The following MAP3K7 variants were observed in gnomAD, a reference collection of about 807,000 sequenced individuals.
MAP3K7 encodes TGF-beta activated kinase 1.
Under a neutral mutation model 84.8 loss-of-function variants are expected in MAP3K7, and 21 were observed. That is an observed-to-expected ratio of 0.25 (90% CI 0.18 to 0.36). The LOEUF (loss-of-function observed/expected upper bound fraction) is 0.36, where lower values mean the gene tolerates loss of function less well. Among genes scored for constraint, MAP3K7 ranks in the 10% least tolerant of loss-of-function variants. The pLI is 1.00. For synonymous variants in MAP3K7, 241 were observed against 247.7 expected (o/e 0.97, Z 0.25); for missense variants, 503 against 747.7 (o/e 0.67, Z 3.82).
intron 3 of MAP3K7, among the ~76,000 whole-genome samples, chr6:90,567,591 T>C (rs1013780577): frequency 6.6e-6 from 1 of 152,116 alleles, no homozygotes; most frequent in Non-Finnish European, 1.5e-5. Context: ...TGTGGAGAAA[T>C]AGGAACACTT....
At chr6:90,543,898 C>T (rs185639003) in intron 12 of MAP3K7, among the ~76,000 whole-genome samples, 33 of 152,176 alleles carry the variant, frequency 2.2e-4, no homozygotes, top group Non-Finnish European at 2.9e-5. Flanking sequence ...CAATTTTAGA[C>T]ACTAAAGTAC....
intron 2 of MAP3K7, among the ~76,000 whole-genome samples, chr6:90,571,384 A>G (rs544717073): frequency 3.3e-5 from 5 of 152,274 alleles, no homozygotes; most frequent in South Asian, 2.1e-4. Context: ...ATAATGGGAA[A>G]GCATACCATT....
chr6:90,530,080 A>G (rs1329071318), intron 13 of MAP3K7, among the ~76,000 whole-genome samples: 2 of 152,230 alleles, frequency 1.3e-5, no homozygotes, highest in African/African-American at 2.4e-5. Context: ...ATTATTCCTG[A>G]GTCTTTTTAA....
chr6:90,542,888 G>T (rs910589288), intron 12 of MAP3K7, among the ~76,000 whole-genome samples: 1 of 151,826 alleles, frequency 6.6e-6, no homozygotes, highest in Non-Finnish European at 1.5e-5. Flanking sequence ...AGCATCCCTG[G>T]TCTCTGCCCA....
At chr6:90,531,379 CAG>C (rs1775499768) in intron 13 of MAP3K7, among the ~76,000 whole-genome samples, 1 of 152,094 alleles carries the variant, frequency 6.6e-6, no homozygotes. Flanking sequence ...GCACAAAACA[CAG>C]AGATTAAATG....
rs1021878796 is a variant in MAP3K7, at chr6:90,543,175, T to C, written c.1291+1377A>G. 7.9e-5 allele frequency among the ~76,000 whole-genome samples: 12 copies of C among 152,164 alleles called. No individual in the cohort carries two copies. The South Asian group carries it at 1.2e-3, about 16-fold the overall frequency. On this transcript the variant is annotated intron_variant, in intron 12 of 16. Transcript: ENST00000369329. ...CCGCATGGAGGTAAACTGATCTCCA[T>C]GTAAAATGATCTCTTTGTTAATTTC...
chr6:90,519,214 TAAG>T (rs35412199), intron 15 of MAP3K7, 41 bp downstream of exon 15: 39,380 of 1,324,982 alleles, frequency 0.03, 711 homozygotes, highest in South Asian at 0.048. Flanking sequence ...TTAAACTCTC[TAAG>T]AAGAAAAAAG....
intron 2 of MAP3K7, among the ~76,000 whole-genome samples, chr6:90,569,780 C>G (rs1776839049): frequency 6.6e-6 from 1 of 152,052 alleles, no homozygotes; most frequent in Non-Finnish European, 1.5e-5. Flanking sequence ...TGTCTTCAAA[C>G]TTCTTTCTAT....
chr6:90,520,395 T>C (rs1277410041), intron 14 of MAP3K7, among the ~76,000 whole-genome samples: 2 of 151,936 alleles, frequency 1.3e-5, no homozygotes, highest in Admixed American at 6.6e-5. Flanking sequence ...TTTTTGCTTT[T>C]GTTTTTGTTT....
chr6:90,550,657 G>GT (rs1562094654), intron 8 of MAP3K7, 108 bp from the exon 9 acceptor site: 1 of 627,578 alleles, frequency 1.6e-6, no homozygotes, highest in East Asian at 2.9e-5. Context: ...AGGTGCCTAA[G>GT]TTTTTTATTT....
intron 13 of MAP3K7, among the ~76,000 whole-genome samples, chr6:90,530,364 A>G (rs1341779191): frequency 6.6e-6 from 1 of 152,240 alleles, no homozygotes; most frequent in East Asian, 1.9e-4. Flanking sequence ...AACATCTGCA[A>G]TATTAAAACA....
intron 13 of MAP3K7, among the ~76,000 whole-genome samples, chr6:90,533,702 T>C (rs1366328963): frequency 2.6e-5 from 4 of 152,182 alleles, no homozygotes; most frequent in African/African-American, 9.7e-5. Flanking sequence ...GGTCTCAGCA[T>C]TATCTTGTCT....
In MAP3K7 at chr6:90,586,818, A is replaced by C. The variant is rs1481741096; in HGVS notation, c.66T>G (p.Pro22=). 6.2e-7 allele frequency: 1 copy of C among 1,610,868 alleles called. No homozygotes were observed. The highest frequency in any genetic ancestry group is 8.5e-7 in the Non-Finnish European group (1 of 1,178,592). Residue 22 remains proline (P), a synonymous_variant, in exon 1 of 17, where the codon CCT becomes CCG. Coordinates refer to ENST00000369329, the MANE Select transcript of MAP3K7 (RefSeq NM_145331.3). Reference sequence around the variant, plus strand: ...TCTCTTCAAAGTTGAGGACCTGGGAAGGGGCTTCGATCATCTCACCGGCCG... The same window carrying C: ...TCTCTTCAAAGTTGAGGACCTGGGACGGGGCTTCGATCATCTCACCGGCCG... ...SSSAGEMIEA[P]SQVLNFEEID... is the part of the protein sequence containing the mutation.
intron 14 of MAP3K7, 69 bp from the exon 15 acceptor site, chr6:90,519,388 T>C: frequency 1.0e-6 from 1 of 1,001,424 alleles, no homozygotes; most frequent in East Asian, 2.7e-5. Context: ...CAAGAAAGCA[T>C]GAATGAAATG....
rs183844180 is a variant in MAP3K7, at chr6:90,560,339, C to T, written c.344-125G>A. 23 of 941,450 alleles carry T rather than the reference C, an allele frequency of 2.4e-5. No homozygotes were observed. The Middle Eastern group carries it at 6.7e-4, about 27-fold the overall frequency. The allele number at this position is 941,450 out of a possible 1,614,324, so 58.3% of individuals were successfully genotyped here. A position where few individuals can be genotyped will look rare whatever the true frequency, so the allele number is the denominator to read the frequency against. Reference sequence around the variant, plus strand: ...CTACATATACATATGCTCCATCAGTCCTGCTTTTAATTTTTTACTTTCTTT... The same window carrying T: ...CTACATATACATATGCTCCATCAGTTCTGCTTTTAATTTTTTACTTTCTTT... On this transcript the variant is annotated intron_variant, in intron 4 of 16. Coordinates refer to ENST00000369329, the MANE Select transcript of MAP3K7 (RefSeq NM_145331.3).
chr6:90,567,454 C>T (rs1776748233), intron 3 of MAP3K7, among the ~76,000 whole-genome samples: 1 of 152,186 alleles, frequency 6.6e-6, no homozygotes, highest in African/African-American at 2.4e-5. Context: ...CCAAAAGACA[C>T]ATGAAAAAAT....
At chr6:90,525,729 A>C (rs187258603) in intron 13 of MAP3K7, among the ~76,000 whole-genome samples, 1 of 151,396 alleles carries the variant, frequency 6.6e-6, no homozygotes, top group East Asian at 2.0e-4. Flanking sequence ...AACTATGCCC[A>C]GTTAATTTTA....
intron 7 of MAP3K7, 144 bp downstream of exon 7, chr6:90,553,314 T>C (rs755755710): frequency 6.1e-6 from 5 of 818,376 alleles, no homozygotes; most frequent in Non-Finnish European, 9.5e-6. Flanking sequence ...GGGCAGAGTC[T>C]GATAATAGCA....
intron 2 of MAP3K7, among the ~76,000 whole-genome samples, chr6:90,571,164 AAAGT>A (rs1158982374): frequency 6.6e-6 from 1 of 152,146 alleles, no homozygotes; most frequent in East Asian, 1.9e-4. Context: ...ACAAAATAAC[AAAGT>A]TAGTAAAGGA....
Sources: gnomAD v4.1 joint callset for allele counts (sites outside exome capture counted in the v4.1 genomes callset) on GRCh38, gnomAD v4.1.1 for gene constraint, MANE v1.5 for transcripts, NCBI Gene and HGNC (gene_info 2026-07-23, HGNC 2026-07-21) for gene names.